The following GNA12 variants were observed in gnomAD, a reference collection of about 807,000 sequenced individuals.
The protein encoded by GNA12 is guanine nucleotide-binding protein subunit alpha-12.
GNA12 carries 9 observed loss-of-function variants against 26.0 expected under a neutral mutation model. The observed-to-expected ratio is 0.35, with a 90% CI of 0.21 to 0.60. GNA12 has a LOEUF of 0.60. Among genes scored for constraint, GNA12 ranks in the 20% least tolerant of loss-of-function variants. The probability of loss-of-function intolerance (pLI) is 0.78; values close to 1 mark genes in which losing one functional copy is unlikely to be tolerated. For synonymous variants in GNA12, 264 were observed against 219.6 expected, an observed-to-expected ratio of 1.20 and a Z score of -1.79; for missense variants, 405 against 525.8, an observed-to-expected ratio of 0.77 and a Z score of 2.25.
chr7:2,759,185 AAAT>A (rs1562411330), intron 2 of GNA12, among the ~76,000 whole-genome samples: 15 of 146,104 alleles, frequency 1.0e-4, no homozygotes, highest in South Asian at 8.7e-4. Context: ...ATAAATAAAT[AAAT>A]AAAATAAAAA....
intron 2 of GNA12, chr7:2,762,878 C>T (rs774121048): frequency 9.7e-6 from 14 of 1,439,860 alleles, no homozygotes; most frequent in Non-Finnish European, 1.3e-5. Flanking sequence ...GAGCCCTGCT[C>T]GTGGAGCCAT....
chr7:2,731,519 G>A lies in GNA12; in HGVS notation c.808C>T (p.Leu270=), dbSNP rs748067229. The change falls in exon 4 of 4, where the codon CTG becomes TTG. Residue 270 remains leucine (L), a synonymous_variant. Transcript: ENST00000275364. The surrounding 1 kb of genome is among the most constrained non-coding windows in gnomAD (Gnocchi z 6.0). The part of the protein sequence containing the change: ...VLMEDRRTNR[L]VESMNIFETI... ...TCGAAGATGTTCATGGACTCCACCA[G>A]CCGGTTGGTGCGCCTGTCCTCCATG... 6.2e-7 allele frequency: 1 copy of A among 1,612,700 alleles called. No homozygotes were observed. Among genetic ancestry groups the A allele is most frequent in the Non-Finnish European group, 8.5e-7 (1 of 1,179,038 alleles).
chr7:2,765,448 C>G (rs950421911), intron 2 of GNA12, among the ~76,000 whole-genome samples: 8 of 151,828 alleles, frequency 5.3e-5, no homozygotes, highest in African/African-American at 1.9e-4. Flanking sequence ...CCTGAGCCAC[C>G]GCGCCCAGCC....
At chr7:2,832,397 G>C (rs948009820) in intron 1 of GNA12, among the ~76,000 whole-genome samples, 2 of 152,202 alleles carry the variant, frequency 1.3e-5, no homozygotes, top group Non-Finnish European at 1.5e-5. Flanking sequence ...CCCGCATCTA[G>C]CCTGGCCTTT....
chr7:2,799,482 TG>T (rs1307578633), intron 1 of GNA12, among the ~76,000 whole-genome samples: 2 of 152,156 alleles, frequency 1.3e-5, no homozygotes, highest in African/African-American at 4.8e-5. Flanking sequence ...CTCAGGAGGC[TG>T]AGGCATGAAG....
intron 1 of GNA12, among the ~76,000 whole-genome samples, chr7:2,825,889 G>C (rs1793474465): frequency 6.6e-6 from 1 of 152,118 alleles, no homozygotes; most frequent in African/African-American, 2.4e-5. Context: ...CCAGCACATA[G>C]AAAGACGCTC....
chr7:2,810,716 C>T (rs1037076747), intron 1 of GNA12, among the ~76,000 whole-genome samples: 2 of 152,064 alleles, frequency 1.3e-5, no homozygotes, highest in Admixed American at 6.5e-5. Context: ...TGTTAAAGCC[C>T]TATCTATCTC....
At chr7:2,823,987 T>G (rs1350743679) in intron 1 of GNA12, among the ~76,000 whole-genome samples, 1 of 152,254 alleles carries the variant, frequency 6.6e-6, no homozygotes, top group Non-Finnish European at 1.5e-5. Flanking sequence ...CCATTCTTTT[T>G]GCTCACATTC....
intron 1 of GNA12, among the ~76,000 whole-genome samples, chr7:2,812,188 A>G (rs1430597499): frequency 6.6e-6 from 1 of 152,282 alleles, no homozygotes; most frequent in African/African-American, 2.4e-5. Flanking sequence ...ATCTGTTTCA[A>G]GAAAGTCAGA....
chr7:2,761,354 G>A (rs949683019), intron 2 of GNA12, among the ~76,000 whole-genome samples: 4 of 152,226 alleles, frequency 2.6e-5, no homozygotes, highest in African/African-American at 7.2e-5. Flanking sequence ...GGGTGGGCAC[G>A]CAGATGGCAG....
intron 2 of GNA12, among the ~76,000 whole-genome samples, chr7:2,787,675 C>G (rs1371609625): frequency 6.6e-6 from 1 of 152,244 alleles, no homozygotes; most frequent in Non-Finnish European, 1.5e-5. Context: ...TGGGTCCACG[C>G]TGACTGCTCA....
At chr7:2,794,655 G>A in intron 2 of GNA12, 1 of 449,758 alleles carries the variant, frequency 2.2e-6, no homozygotes, top group Non-Finnish European at 4.0e-6. Flanking sequence ...AAATTTCTCG[G>A]GTTGTGCCAA....
At chr7:2,756,233 CTGG>C (rs1243244543) in intron 2 of GNA12, among the ~76,000 whole-genome samples, 1 of 152,084 alleles carries the variant, frequency 6.6e-6, no homozygotes. Flanking sequence ...GCTGGAAAAA[CTGG>C]TGATCTGCAC....
chr7:2,746,797 G>C (rs1790785875), intron 2 of GNA12, among the ~76,000 whole-genome samples: 1 of 151,950 alleles, frequency 6.6e-6, no homozygotes, highest in Admixed American at 6.6e-5. Flanking sequence ...AGAAAAGAGA[G>C]AAGAATCAAA....
chr7:2,768,415 T>C (rs1457660556), intron 2 of GNA12, among the ~76,000 whole-genome samples: 1 of 152,194 alleles, frequency 6.6e-6, no homozygotes, highest in Non-Finnish European at 1.5e-5. Context: ...GCTACGTTTT[T>C]CCTAGTATTT....
At chr7:2,778,433 A>C (rs1792133296) in intron 2 of GNA12, among the ~76,000 whole-genome samples, 1 of 152,136 alleles carries the variant, frequency 6.6e-6, no homozygotes, top group African/African-American at 2.4e-5. Context: ...CTTTCATTCA[A>C]AACCACCCAA....
At chr7:2,739,200 C>T (rs1790373039) in intron 2 of GNA12, among the ~76,000 whole-genome samples, 1 of 152,188 alleles carries the variant, frequency 6.6e-6, no homozygotes, top group African/African-American at 2.4e-5. Context: ...GAAAATTCAC[C>T]ATTTTGACAT....
At chr7:2,772,491 C>T (rs1406807388) in intron 2 of GNA12, among the ~76,000 whole-genome samples, 6 of 151,084 alleles carry the variant, frequency 4.0e-5, no homozygotes, top group African/African-American at 9.8e-5. Flanking sequence ...ACCCAGGAGG[C>T]GGAGCTTGCA....
intron 2 of GNA12, chr7:2,775,216 G>A (rs1792047450): frequency 6.6e-6 from 1 of 152,196 alleles, no homozygotes; most frequent in African/African-American, 2.4e-5. Context: ...AGCTTCCAGG[G>A]TGTTGAGGTT....
Sources: gnomAD v4.1 joint callset for allele counts (sites outside exome capture counted in the v4.1 genomes callset) on GRCh38, gnomAD v4.1.1 for gene constraint, Gnocchi (gnomAD v3.1) non-coding constraint, MANE v1.5 for transcripts, NCBI Gene and HGNC (gene_info 2026-07-23, HGNC 2026-07-21) for gene names.